Variants in WDR70 observed in about 807,000 individuals in gnomAD.
WDR70 encodes the protein WD repeat domain 70, also known as WD repeat-containing protein 70.
WDR70 carries 53 observed loss-of-function variants against 88.6 expected under a neutral mutation model. That is an observed-to-expected ratio of 0.60 (90% CI 0.48 to 0.75). The LOEUF is 0.75. WDR70 is among the 30% of genes least tolerant of loss of function. The pLI, the probability that WDR70 is intolerant of heterozygous loss-of-function variation, is 0.00. For synonymous variants in WDR70, 280 were observed against 270.0 expected, an observed-to-expected ratio of 1.04 and a Z score of -0.36; for missense variants, 610 against 823.2, an observed-to-expected ratio of 0.74 and a Z score of 3.17.
At chr5:37,442,249 C>G (rs950026325) in intron 6 of WDR70, among the ~76,000 whole-genome samples, 1 of 151,836 alleles carries the variant, frequency 6.6e-6, no homozygotes, top group Admixed American at 6.6e-5. Context: ...GTTGGTCAGG[C>G]TGATCTCAAA....
chr5:37,487,617 ATATATATG>A lies in WDR70; in HGVS notation c.840+7634_840+7641del, dbSNP rs1323466994. ...TATATATAAATATATATATATATAT[ATATATATG>A]TATTTTTTTTTTTTTTTTTGAGAGG... On this transcript the variant is annotated intron_variant, in intron 8 of 17. Transcript: ENST00000265107. Among the ~76,000 whole-genome samples the A allele has an allele frequency of 2.3e-3, 102 of 43,766 alleles. 2 individuals are homozygous for A. Among genetic ancestry groups the A allele is most frequent in the Admixed American group, 6.5e-3 (15 of 2,308 alleles). The allele number at this position is 43,766 out of a possible 152,430, so 28.7% of individuals were successfully genotyped here.
chr5:37,439,119 C>T (rs866001400), intron 6 of WDR70, among the ~76,000 whole-genome samples: 4 of 151,912 alleles, frequency 2.6e-5, no homozygotes, highest in South Asian at 2.1e-4. Flanking sequence ...GGGCTTTCAC[C>T]GTGTTAGCCA....
In WDR70 at chr5:37,727,010, A is replaced by C; in HGVS notation, c.1842A>C (p.Glu614Asp). 1 of 1,610,912 alleles carries C rather than the reference A, an allele frequency of 6.2e-7. No homozygotes were observed. The highest frequency in any genetic ancestry group is 8.5e-7 in the Non-Finnish European group (1 of 1,178,656). ...EAILRHAKAA[E>D]DSPYWVSPAY... Reference sequence around the variant, plus strand: ...TTTTGCGTCATGCCAAAGCAGCAGAAGACAGCCCATATTGGGTTTCTCCAG... The same window carrying C: ...TTTTGCGTCATGCCAAAGCAGCAGACGACAGCCCATATTGGGTTTCTCCAG... Residue 614 changes from glutamate (E) to aspartate (D), a missense_variant, in exon 17 of 18, where the codon GAA (glutamate) becomes GAC (aspartate). By Grantham distance (45) the Glu-to-Asp change is conservative. This residue lies in a region of WDR70 where 70 missense variants were observed against 139.2 expected (regional missense o/e 0.50). Transcript: ENST00000265107.
intron 12 of WDR70, among the ~76,000 whole-genome samples, chr5:37,702,348 G>T (rs979539058): frequency 6.6e-6 from 1 of 151,950 alleles, no homozygotes; most frequent in Non-Finnish European, 1.5e-5. Context: ...AACTTCTTTG[G>T]GTCATGTCTT....
At chr5:37,555,788 G>A (rs1210237718) in intron 9 of WDR70, among the ~76,000 whole-genome samples, 1 of 152,022 alleles carries the variant, frequency 6.6e-6, no homozygotes, top group Non-Finnish European at 1.5e-5. Flanking sequence ...GCGTGATCTT[G>A]GCTCACTGCA....
At chr5:37,393,033 T>C (rs1748892858) in intron 4 of WDR70, among the ~76,000 whole-genome samples, 2 of 152,012 alleles carry the variant, frequency 1.3e-5, no homozygotes, top group African/African-American at 4.8e-5. Context: ...GTTTCAGTGA[T>C]GTTTTGTTAT....
chr5:37,654,591 G>C (rs546601336), intron 10 of WDR70, among the ~76,000 whole-genome samples: 6 of 152,220 alleles, frequency 3.9e-5, no homozygotes, highest in African/African-American at 1.4e-4. Flanking sequence ...TCTCTTTGTA[G>C]GTCTCTAAGA....
rs568839189 is a variant in WDR70, at chr5:37,383,819, G to A, written c.175+2134G>A. Among the ~76,000 whole-genome samples, 14 of 151,862 alleles carry A rather than the reference G, an allele frequency of 9.2e-5. No individual in the cohort carries two copies. The South Asian group carries it at 2.5e-3, about 27-fold the overall frequency. The stretch of plus-strand genomic sequence containing the variant: ...AGGATGGTCTCGATCTCCTGACCTC[G>A]TGATCCACTCGCCTTGGCCTCCCAA... On this transcript the variant is annotated intron_variant, in intron 3 of 17. Transcript: ENST00000265107.
At chr5:37,560,847 C>G (rs997708244) in intron 9 of WDR70, among the ~76,000 whole-genome samples, 42 of 142,128 alleles carry the variant, frequency 3.0e-4, no homozygotes, top group Admixed American at 1.1e-3. Flanking sequence ...GAGTCTTGCT[C>G]TGTCACCCAG....
intron 13 of WDR70, among the ~76,000 whole-genome samples, chr5:37,707,989 A>ATATATATATG (rs1438924958): frequency 3.6e-5 from 4 of 112,042 alleles, no homozygotes; most frequent in African/African-American, 1.2e-4. Context: ...ATATATATAT[A>ATATATATATG]TATAGTTGAT....
At chr5:37,729,563 T>C (rs1185932150) in intron 17 of WDR70, among the ~76,000 whole-genome samples, 1 of 152,198 alleles carries the variant, frequency 6.6e-6, no homozygotes, top group Non-Finnish European at 1.5e-5. Context: ...CATTAACTAG[T>C]TTTAGAATTG....
intron 17 of WDR70, among the ~76,000 whole-genome samples, chr5:37,742,073 T>C (rs1748498442): frequency 6.6e-6 from 1 of 152,212 alleles, no homozygotes; most frequent in African/African-American, 2.4e-5. Context: ...AATATCTCTT[T>C]TATGTTTTCA....
At chr5:37,577,448 C>T (rs1743091533) in intron 9 of WDR70, among the ~76,000 whole-genome samples, 1 of 152,104 alleles carries the variant, frequency 6.6e-6, no homozygotes, top group African/African-American at 2.4e-5. Context: ...TGCACTCCAG[C>T]TTGGGTGACA....
chr5:37,693,158 A>T (rs1272724725), intron 10 of WDR70, among the ~76,000 whole-genome samples: 1 of 152,204 alleles, frequency 6.6e-6, no homozygotes, highest in African/African-American at 2.4e-5. Flanking sequence ...CTTACAAGGG[A>T]TGTGAATGAC....
At chr5:37,725,537 A>C (rs1233128304) in intron 16 of WDR70, among the ~76,000 whole-genome samples, 1 of 152,120 alleles carries the variant, frequency 6.6e-6, no homozygotes, top group Non-Finnish European at 1.5e-5. Context: ...AGGTACCAGA[A>C]GAAAGCCAAG....
chr5:37,554,949 A>G (rs1211746038), intron 9 of WDR70, among the ~76,000 whole-genome samples: 1 of 152,198 alleles, frequency 6.6e-6, no homozygotes, highest in African/African-American at 2.4e-5. Flanking sequence ...AATTATTTAC[A>G]TTTCTTTAAA....
intron 10 of WDR70, among the ~76,000 whole-genome samples, chr5:37,676,930 G>C (rs143537088): frequency 2.6e-5 from 4 of 152,062 alleles, no homozygotes; most frequent in African/African-American, 9.7e-5. Flanking sequence ...TTGGTCTATT[G>C]AGAGATTCAG....
At chr5:37,443,099 T>G (rs1054492287) in intron 6 of WDR70, 140 bp from the exon 7 acceptor site, 11 of 866,858 alleles carry the variant, frequency 1.3e-5, no homozygotes, top group African/African-American at 8.5e-5. Flanking sequence ...ATTCCTGCTT[T>G]TCAGAAGTAA....
At chr5:37,678,536 C>G (rs1413324219) in intron 10 of WDR70, among the ~76,000 whole-genome samples, 1 of 152,106 alleles carries the variant, frequency 6.6e-6, no homozygotes, top group Admixed American at 6.5e-5. Context: ...AAATTCTTTT[C>G]TTTAAGAATG....
Sources: gnomAD v4.1 joint callset for allele counts (sites outside exome capture counted in the v4.1 genomes callset) on GRCh38, gnomAD v4.1.1 for gene constraint, gnomAD v4.1.1 regional missense constraint, MANE v1.5 for transcripts, NCBI Gene and HGNC (gene_info 2026-07-23, HGNC 2026-07-21) for gene names.